Variants in COPB2 observed in about 807,000 individuals in gnomAD.
COPB2 encodes the protein coat protein complex I subunit beta 2, also known as coatomer subunit beta'.
COPB2 carries 16 observed loss-of-function variants against 120.8 expected under a neutral mutation model. That is an observed-to-expected ratio of 0.13 (90% CI 0.09 to 0.20). The LOEUF is 0.20. COPB2 is among the 10% of genes least tolerant of loss of function. COPB2 has a pLI of 1.00. For missense variants in COPB2, 794 were observed against 1,076.5 expected, an observed-to-expected ratio of 0.74 and a Z score of 3.67; for synonymous variants, 332 against 366.3, an observed-to-expected ratio of 0.91 and a Z score of 1.07.
intron 19 of COPB2, 59 bp downstream of exon 19, chr3:139,358,939 C>A (rs1397173879): frequency 1.2e-5 from 19 of 1,592,174 alleles, no homozygotes; most frequent in Non-Finnish European, 1.5e-5. Context: ...ATCTGAAGTC[C>A]TGAATGTACT....
intron 11 of COPB2, 43 bp downstream of exon 11, chr3:139,369,413 T>C (rs1941582404): frequency 2.5e-6 from 4 of 1,605,134 alleles, no homozygotes; most frequent in African/African-American, 1.3e-5. Flanking sequence ...TTTTGAGCCA[T>C]TACAAAGAAT....
rs1170783524 is a variant in COPB2, at chr3:139,361,152, G to A, written c.2139C>T (p.Asn713=). The change falls in exon 17 of 22, where the codon AAC becomes AAT. Residue 713 remains asparagine (N), a synonymous_variant. Coordinates refer to ENST00000333188, the MANE Select transcript of COPB2 (RefSeq NM_004766.3). ...ATASGNANMV[N]KLAEGAERDG... ...CTCTCTCCGCACCCTCTGCTAGCTTGTTCACCATATTAGCATTTCCAGAGG... is the reference window on the plus strand; with the variant it reads ...CTCTCTCCGCACCCTCTGCTAGCTTATTCACCATATTAGCATTTCCAGAGG... 1 of 1,614,212 alleles carries A rather than the reference G, an allele frequency of 6.2e-7. No homozygotes were observed.
intron 10 of COPB2, among the ~76,000 whole-genome samples, chr3:139,370,074 C>G (rs1480351442): frequency 6.6e-6 from 1 of 152,100 alleles, no homozygotes; most frequent in African/African-American, 2.4e-5. Context: ...GGGGTATGGA[C>G]AGACTGTTAA....
Position 139,366,658 on chromosome 3 carries a change from G to A in COPB2, c.1794C>T (p.Val598=). 6.2e-7 allele frequency: 1 copy of A among 1,614,090 alleles called. No individual in the cohort carries two copies. The highest frequency in any genetic ancestry group is 8.5e-7 in the Non-Finnish European group (1 of 1,179,978). ...CAGCCATGCTAAAGTCCCTCCGCAT[G>A]ACAGCTGTCTGGTATTCCAGGACTG... is the stretch of plus-strand genomic sequence containing the variant. ...LVSVLEYQTA[V]MRRDFSMADK... Residue 598 remains valine, a synonymous_variant, in exon 15 of 22, where the codon GTC becomes GTT. Coordinates refer to ENST00000333188, the MANE Select transcript of COPB2 (RefSeq NM_004766.3).
intron 5 of COPB2, among the ~76,000 whole-genome samples, 167 bp downstream of exon 5, chr3:139,377,874 C>T (rs751708627): frequency 7.9e-5 from 12 of 152,218 alleles, no homozygotes; most frequent in Non-Finnish European, 1.0e-4. Flanking sequence ...TTTTTCTAAA[C>T]AGAACATGTC....
In COPB2 at chr3:139,359,335, A is replaced by C; in HGVS notation, c.2238T>G (p.Ile746Met). 1 of 1,614,150 alleles carries C rather than the reference A, an allele frequency of 6.2e-7. No homozygotes were observed. Among genetic ancestry groups the C allele is most frequent in the South Asian group, 1.1e-5 (1 of 91,086 alleles). The part of the protein sequence containing the change: ...GKVDACLELL[I>M]RTGRLPEAAF... ...CAGCTTCTGGCAGCCGTCCAGTTCT[A>C]ATTAAGAGCTCTAGGCAGGCATCAA... Residue 746 changes from isoleucine to methionine, a missense_variant, in exon 18 of 22, where the codon ATT (isoleucine) becomes ATG (methionine). Ile to Met is a conservative substitution (Grantham distance 10). This residue lies in a region of COPB2 where 178 missense variants were observed against 183.2 expected (regional missense o/e 0.97). Coordinates refer to ENST00000333188, the MANE Select transcript of COPB2 (RefSeq NM_004766.3).
chr3:139,359,278 C>T lies in COPB2; in HGVS notation c.2295G>A (p.Gln765=), dbSNP rs756685996. 1.9e-6 allele frequency: 3 copies of T among 1,614,150 alleles called. No individual in the cohort carries two copies. Among genetic ancestry groups the T allele is most frequent in the Non-Finnish European group, 2.5e-6 (3 of 1,180,020 alleles). The change falls in exon 18 of 22, where the codon CAG becomes CAA. Residue 765 remains glutamine (Q), a synonymous_variant. Coordinates refer to ENST00000333188, the MANE Select transcript of COPB2 (RefSeq NM_004766.3). The part of the protein sequence containing the change: ...AFLARTYLPS[Q]VSRVVKLWRE... Reference sequence around the variant, plus strand: ...AAATTAAAAGTCTGTACCTTGAAACCTGACTGGGTAAGTAAGTTCGGGCCA... The same window carrying T: ...AAATTAAAAGTCTGTACCTTGAAACTTGACTGGGTAAGTAAGTTCGGGCCA...
intron 1 of COPB2, 124 bp from the exon 2 acceptor site, chr3:139,383,559 AAC>A (rs1187707780): frequency 3.5e-6 from 3 of 866,688 alleles, no homozygotes; most frequent in African/African-American, 3.5e-5. Flanking sequence ...AAGCTTTTGA[AAC>A]AGTTTCAAGT....
chr3:139,373,344 T>C lies in COPB2; in HGVS notation c.963A>G (p.Glu321=), dbSNP rs1169084975. 1 of 1,614,118 alleles carries C rather than the reference T, an allele frequency of 6.2e-7. No individual in the cohort carries two copies. Among genetic ancestry groups the C allele is most frequent in the Non-Finnish European group, 8.5e-7 (1 of 1,180,050 alleles). Residue 321 remains glutamate, a synonymous_variant, in exon 9 of 22, where the codon GAA becomes GAG. Transcript: ENST00000333188. ...TTGCTTTTAGGTTGGCCTGCTGGAC[T>C]TCTGAATGCTTGGCCCAAATTATCT... ...NGKIIWAKHS[E]VQQANLKAMG...
At chr3:139,362,568 T>C in intron 15 of COPB2, 51 bp from the exon 16 acceptor site, 1 of 1,090,878 alleles carries the variant, frequency 9.2e-7, no homozygotes, top group Non-Finnish European at 1.3e-6. Context: ...AAAATGTATG[T>C]ATGTTTTATA....
At chr3:139,367,993 G>T in intron 13 of COPB2, 152 bp downstream of exon 13, 5 of 751,740 alleles carry the variant, frequency 6.7e-6, no homozygotes, top group East Asian at 3.2e-5. Flanking sequence ...TATGAGTTAC[G>T]ATTTTAATTT....
chr3:139,378,427 T>A (rs1185798289), intron 4 of COPB2, among the ~76,000 whole-genome samples: 1 of 152,084 alleles, frequency 6.6e-6, no homozygotes, highest in Admixed American at 6.6e-5. Flanking sequence ...AATATAAAAA[T>A]TCTGTGAAAA....
intron 9 of COPB2, 33 bp downstream of exon 9, chr3:139,373,180 A>G (rs769018935): frequency 9.3e-6 from 15 of 1,606,884 alleles, no homozygotes; most frequent in Middle Eastern, 1.7e-4. Flanking sequence ...TAACATACAC[A>G]GAAGCTGAGG....
At position 139,386,941 on chromosome 3, in the gene COPB2, G is replaced by A. The variant is rs191952211; in HGVS notation, c.3+2607C>T. Reference sequence around the variant, plus strand: ...CAGCCAGGCGTGGTGACTCATGCCTGTAATCTCAGTACTTTGGGAAGCTGA... The same window carrying A: ...CAGCCAGGCGTGGTGACTCATGCCTATAATCTCAGTACTTTGGGAAGCTGA... On this transcript the variant is annotated intron_variant, in intron 1 of 21. Transcript: ENST00000333188. Among the ~76,000 whole-genome samples the A allele has an allele frequency of 4.3e-4, 65 of 151,502 alleles. 1 individual carries two copies. The highest frequency in any genetic ancestry group is 1.4e-3 in the African/African-American group (58 of 41,324).
chr3:139,362,593 C>A, intron 15 of COPB2, 76 bp from the exon 16 acceptor site: 6 of 780,138 alleles, frequency 7.7e-6, no homozygotes, highest in African/African-American at 1.8e-5. Flanking sequence ...TATATATACA[C>A]ACACATATAC....
At chr3:139,375,900 G>T (rs924141929) in intron 5 of COPB2, among the ~76,000 whole-genome samples, 1 of 152,098 alleles carries the variant, frequency 6.6e-6, no homozygotes, top group Non-Finnish European at 1.5e-5. Context: ...TAGATGTTAT[G>T]AAATTATTTT....
intron 7 of COPB2, chr3:139,374,195 C>G (rs1941675726): frequency 2.4e-6 from 1 of 425,432 alleles, no homozygotes; most frequent in East Asian, 4.3e-5. Flanking sequence ...ATTTTGAACC[C>G]AGGTTTGTTT....
At chr3:139,381,723 A>G (rs921295491) in intron 2 of COPB2, 7 of 152,226 alleles carry the variant, frequency 4.6e-5, no homozygotes, top group Non-Finnish European at 1.0e-4. Context: ...TAAAGCCTAG[A>G]GAAAGATAAG....
At position 139,362,522 on chromosome 3, in the gene COPB2, A is replaced by G; in HGVS notation, c.1885-5T>C. ...AAGAGCTTGCTGCTTGAAGCCCTAA[A>G]CAGATTTTTAAAAATTATATATATT... On this transcript the variant is annotated splice_polypyrimidine_tract_variant and splice_region_variant and intron_variant, in intron 15 of 21. Coordinates refer to ENST00000333188, the MANE Select transcript of COPB2 (RefSeq NM_004766.3). 6.3e-7 allele frequency: 1 copy of G among 1,584,598 alleles called. No individual in the cohort carries two copies. Among genetic ancestry groups the G allele is most frequent in the Non-Finnish European group, 8.6e-7 (1 of 1,168,362 alleles).
Sources: allele counts gnomAD v4.1 joint callset (sites outside exome capture counted in the v4.1 genomes callset), GRCh38; gene constraint gnomAD v4.1.1; regional missense constraint gnomAD v4.1.1; transcripts MANE v1.5; gene names NCBI Gene and HGNC (gene_info 2026-07-23, HGNC 2026-07-21).